Variants in AGBL4 observed in about 807,000 individuals in gnomAD.
The protein encoded by AGBL4 is AGBL carboxypeptidase 4.
A neutral mutation model predicts 66.4 loss-of-function variants in AGBL4; 58 were observed. That is an observed-to-expected ratio of 0.87 (90% CI 0.71 to 1.09). The LOEUF (loss-of-function observed/expected upper bound fraction) is 1.09. Ranked by LOEUF, AGBL4 falls within the 50% of genes least tolerant of loss-of-function variation. AGBL4 has a pLI of 0.00. For missense variants in AGBL4, 579 were observed against 631.0 expected (o/e 0.92, Z 0.88); for synonymous variants, 234 against 222.9 (o/e 1.05, Z -0.44).
At chr1:49,578,889 C>T (rs938092331) in intron 3 of AGBL4, among the ~76,000 whole-genome samples, 4 of 152,078 alleles carry the variant, frequency 2.6e-5, no homozygotes, top group Non-Finnish European at 4.4e-5. Context: ...AGTATTGATA[C>T]TGGGTATATC....
chr1:48,901,464 T>G (rs1204625518), intron 5 of AGBL4, among the ~76,000 whole-genome samples: 1 of 152,094 alleles, frequency 6.6e-6, no homozygotes, highest in Non-Finnish European at 1.5e-5. Context: ...TGGAGAAAAT[T>G]CAAATGTGCA....
chr1:49,852,110 G>A (rs150963604), intron 1 of AGBL4, among the ~76,000 whole-genome samples: 44 of 152,170 alleles, frequency 2.9e-4, no homozygotes, highest in African/African-American at 9.4e-4. Flanking sequence ...GTAGAAAAAT[G>A]GAAAGAGCAT....
chr1:49,507,154 T>G (rs1180735029), intron 3 of AGBL4, among the ~76,000 whole-genome samples: 1 of 151,836 alleles, frequency 6.6e-6, no homozygotes, highest in South Asian at 2.1e-4. Context: ...AAAGCCACAT[T>G]AAGAGGGAGA....
At chr1:48,889,986 T>TTGCG (rs1042484851) in intron 5 of AGBL4, among the ~76,000 whole-genome samples, 5 of 78,586 alleles carry the variant, frequency 6.4e-5, no homozygotes, top group Non-Finnish European at 1.6e-4. Flanking sequence ...CACAGCCTGC[T>TTGCG]TGCGTGTGTG....
intron 2 of AGBL4, among the ~76,000 whole-genome samples, chr1:49,838,331 G>T (rs921213751): frequency 6.6e-6 from 1 of 152,186 alleles, no homozygotes; most frequent in Non-Finnish European, 1.5e-5. Flanking sequence ...GAAAGAAAAA[G>T]AAATACCTAG....
intron 2 of AGBL4, chr1:49,844,587 C>A: frequency 8.5e-7 from 1 of 1,173,480 alleles, no homozygotes; most frequent in South Asian, 1.7e-5. Context: ...GCACCTTGAA[C>A]ATTTCAAAAT....
intron 4 of AGBL4, among the ~76,000 whole-genome samples, chr1:49,056,299 A>C (rs1448546138): frequency 6.6e-6 from 1 of 152,134 alleles, no homozygotes; most frequent in South Asian, 2.1e-4. Context: ...TTAAATTCTA[A>C]TGGGAAAGAG....
intron 3 of AGBL4, among the ~76,000 whole-genome samples, chr1:49,590,002 GT>G (rs1361445917): frequency 6.6e-6 from 1 of 151,996 alleles, no homozygotes; most frequent in East Asian, 1.9e-4. Flanking sequence ...ATACATAAAA[GT>G]ATACCCCTTA....
chr1:49,653,396 G>C, intron 3 of AGBL4, among the ~76,000 whole-genome samples: 1 of 151,942 alleles, frequency 6.6e-6, no homozygotes. Context: ...AACTCAAAAA[G>C]CCAGAGTGCC....
Position 48,864,475 on chromosome 1 carries a change from C to T in AGBL4, c.634+2716G>A, listed in dbSNP as rs200757850. Among the ~76,000 whole-genome samples, 34 of 152,248 alleles carry T rather than the reference C, an allele frequency of 2.2e-4. No individual in the cohort carries two copies. The East Asian group carries it at 6.2e-3, about 28-fold the overall frequency. The stretch of plus-strand genomic sequence containing the variant: ...GTAAAGAGACATGCACAAAAATGCT[C>T]TAAGCAGCATTATTTGCAATTGCAA... On this transcript the variant is annotated intron_variant, in intron 6 of 13. Coordinates refer to ENST00000371839, the MANE Select transcript of AGBL4 (RefSeq NM_032785.4).
chr1:49,396,471 C>T (rs1644977816), intron 3 of AGBL4, among the ~76,000 whole-genome samples: 2 of 151,928 alleles, frequency 1.3e-5, no homozygotes, highest in Non-Finnish European at 1.5e-5. Context: ...CATATATAAT[C>T]GAGCTAAAAA....
intron 2 of AGBL4, among the ~76,000 whole-genome samples, chr1:49,806,350 C>T (rs1400700816): frequency 1.3e-5 from 2 of 152,166 alleles, no homozygotes; most frequent in Admixed American, 1.3e-4. Context: ...TGTCTGTGTC[C>T]TAGTATTTTG....
intron 3 of AGBL4, among the ~76,000 whole-genome samples, chr1:49,513,469 G>A (rs952527897): frequency 4.6e-5 from 7 of 151,730 alleles, no homozygotes; most frequent in Non-Finnish European, 8.8e-5. Flanking sequence ...ATTTCTATTC[G>A]TGTGTGCTCA....
rs1057012943 is a variant in AGBL4, at chr1:49,040,911, A to T, written c.594+4673T>A. ...TAAAATTATCCCCTTACAATGCATAAATTTTATACACTGCAAATTATACCT... is the reference window on the plus strand; with the variant it reads ...TAAAATTATCCCCTTACAATGCATATATTTTATACACTGCAAATTATACCT... On this transcript the variant is annotated intron_variant, in intron 5 of 13. Coordinates refer to ENST00000371839, the MANE Select transcript of AGBL4 (RefSeq NM_032785.4). Among the ~76,000 whole-genome samples, 8 of 152,234 alleles carry T rather than the reference A, an allele frequency of 5.3e-5. No individual in the cohort carries two copies. The South Asian group carries it at 8.3e-4, about 16-fold the overall frequency.
At chr1:48,842,352 C>T (rs1054863859) in intron 6 of AGBL4, among the ~76,000 whole-genome samples, 1 of 151,990 alleles carries the variant, frequency 6.6e-6, no homozygotes, top group Non-Finnish European at 1.5e-5. Flanking sequence ...TTTTCAAAAA[C>T]TAAGATCAGA....
At chr1:49,000,575 T>C (rs1661327818) in intron 5 of AGBL4, among the ~76,000 whole-genome samples, 1 of 152,208 alleles carries the variant, frequency 6.6e-6, no homozygotes, top group Non-Finnish European at 1.5e-5. Context: ...TTTTTTTATA[T>C]TGCTTTAAAT....
At chr1:49,568,310 T>C (rs1644255078) in intron 3 of AGBL4, among the ~76,000 whole-genome samples, 2 of 152,110 alleles carry the variant, frequency 1.3e-5, no homozygotes. Context: ...AAAATTAATG[T>C]AAAAAATGAC....
chr1:48,674,780 A>C (rs895689939), intron 6 of AGBL4, among the ~76,000 whole-genome samples: 4 of 152,134 alleles, frequency 2.6e-5, no homozygotes, highest in African/African-American at 9.7e-5. Flanking sequence ...AACTGTGGCT[A>C]TTATTAGTCA....
At chr1:49,707,751 G>A (rs1647323445) in intron 2 of AGBL4, among the ~76,000 whole-genome samples, 1 of 152,056 alleles carries the variant, frequency 6.6e-6, no homozygotes, top group Non-Finnish European at 1.5e-5. Flanking sequence ...AGGCCTGGTG[G>A]TGACAAAATT....
Sources: allele counts gnomAD v4.1 joint callset (sites outside exome capture counted in the v4.1 genomes callset), GRCh38; gene constraint gnomAD v4.1.1; transcripts MANE v1.5; gene names NCBI Gene and HGNC (gene_info 2026-07-23, HGNC 2026-07-21).